ASS1: variants seen among roughly 807,000 people sequenced by gnomAD.
ASS1 encodes the protein argininosuccinate synthase.
A neutral mutation model predicts 60.5 loss-of-function variants in ASS1; 58 were observed. The ratio of observed to expected loss-of-function variants is 0.96; its 90% CI spans 0.78 to 1.19. The LOEUF (loss-of-function observed/expected upper bound fraction) is 1.19. Ranked by LOEUF, ASS1 falls within the 50% of genes most tolerant of loss-of-function variation. The probability of loss-of-function intolerance (pLI) is 0.00; values close to 1 mark genes in which losing one functional copy is unlikely to be tolerated. For synonymous variants in ASS1, 200 were observed against 206.9 expected (o/e 0.97, Z 0.29); for missense variants, 454 against 547.3 (o/e 0.83, Z 1.70).
At chr9:130,486,699 CG>C (rs901404210) in intron 11 of ASS1, among the ~76,000 whole-genome samples, 16 of 152,154 alleles carry the variant, frequency 1.1e-4, no homozygotes, top group Non-Finnish European at 1.8e-4. Flanking sequence ...ACCAATGAAG[CG>C]GGATGGGCTC....
intron 6 of ASS1, 76 bp downstream of exon 6, chr9:130,466,875 T>C: frequency 1.3e-6 from 2 of 1,524,556 alleles, no homozygotes; most frequent in Admixed American, 1.7e-5. Context: ...CTGGGGGCTG[T>C]CTGAGCCAGT....
intron 13 of ASS1, among the ~76,000 whole-genome samples, chr9:130,495,616 A>T (rs190799758): frequency 7.4e-4 from 113 of 151,864 alleles, no homozygotes; most frequent in Non-Finnish European, 1.4e-3. Flanking sequence ...GGCCAGGGGG[A>T]AGGAGCTGAA....
intron 1 of ASS1, chr9:130,451,592 C>G: frequency 2.9e-6 from 1 of 350,134 alleles, no homozygotes; most frequent in Non-Finnish European, 5.7e-6. Context: ...GCATCCTTCT[C>G]CACCTGCAGG....
At chr9:130,447,140 A>G (rs1287063268) in intron 1 of ASS1, among the ~76,000 whole-genome samples, 2 of 152,324 alleles carry the variant, frequency 1.3e-5, no homozygotes, top group Admixed American at 6.5e-5. Flanking sequence ...CAGGTTGGCC[A>G]TGACTCACTG....
In ASS1 at chr9:130,483,596, G is replaced by A. The variant is rs181864853; in HGVS notation, c.838+3147G>A. Among the ~76,000 whole-genome samples, 509 of 152,120 alleles carry A rather than the reference G, an allele frequency of 3.3e-3. 3 individuals are homozygous for A. Among genetic ancestry groups the A allele is most frequent in the African/African-American group, 0.012 (484 of 41,496 alleles). On this transcript the variant is annotated intron_variant, in intron 11 of 14. Coordinates refer to ENST00000352480, the MANE Select transcript of ASS1 (RefSeq NM_054012.4). ...GGGCAAGGCAGGCCGGAGGGAAGCC[G>A]AGGGAGGCCGGGAAGGAGCCAGCGC...
chr9:130,478,846 C>G lies in ASS1; in HGVS notation c.689-870C>G, dbSNP rs368851040. Among the ~76,000 whole-genome samples, 13 of 152,292 alleles carry G rather than the reference C, an allele frequency of 8.5e-5. No individual in the cohort carries two copies. In the South Asian group the frequency reaches 2.1e-3, roughly 24 times the overall value. Reference sequence around the variant, plus strand: ...GTTAAGAATGGCGAGGCTGACAGCGCCTTGAGTGAAGCCCCTCCAAGCGGC... The same window carrying G: ...GTTAAGAATGGCGAGGCTGACAGCGGCTTGAGTGAAGCCCCTCCAAGCGGC... On this transcript the variant is annotated intron_variant, in intron 9 of 14. Coordinates refer to ENST00000352480, the MANE Select transcript of ASS1 (RefSeq NM_054012.4). This position sits in a 1 kb window ranked among gnomAD's most constrained non-coding sequence, Gnocchi z 4.7.
intron 13 of ASS1, 96 bp downstream of exon 13, chr9:130,495,119 C>T (rs1438972361): frequency 1.4e-6 from 2 of 1,461,764 alleles, no homozygotes; most frequent in Non-Finnish European, 1.9e-6. Context: ...ACATGTCAGG[C>T]ACCATGCAGA....
At chr9:130,449,991 C>T (rs1242547002) in intron 1 of ASS1, among the ~76,000 whole-genome samples, 1 of 152,168 alleles carries the variant, frequency 6.6e-6, no homozygotes, top group Non-Finnish European at 1.5e-5. Context: ...TCAAGTAGAC[C>T]TCAATAGAGC....
At chr9:130,444,710 G>A (rs1845152625), upstream of ASS1, among the ~76,000 whole-genome samples, 1 of 151,878 alleles carries the variant, frequency 6.6e-6, no homozygotes, top group Non-Finnish European at 1.5e-5. This position sits in a 1 kb window ranked among gnomAD's most constrained non-coding sequence, Gnocchi z 4.7. Flanking sequence ...CGCCCCCGCC[G>A]GCGCGCCCCT....
chr9:130,497,215 A>C (rs1334185508), intron 13 of ASS1, among the ~76,000 whole-genome samples: 1 of 152,226 alleles, frequency 6.6e-6, no homozygotes, highest in Admixed American at 6.5e-5. Flanking sequence ...GAATAAAGTA[A>C]AAAGGGAAAG....
At chr9:130,454,154 T>G (rs941923436) in intron 2 of ASS1, 151 bp from the exon 3 acceptor site, 1 of 812,210 alleles carries the variant, frequency 1.2e-6, no homozygotes, top group African/African-American at 1.7e-5. Context: ...TCTCCAGGCC[T>G]TGGGCTTTGT....
chr9:130,445,037 G>A, intron 1 of ASS1, 42 bp downstream of exon 1: 1 of 564,292 alleles, frequency 1.8e-6, no homozygotes, highest in Non-Finnish European at 2.2e-6. Context: ...CTCCCTAGCC[G>A]AGAGCACCCG....
intron 8 of ASS1, among the ~76,000 whole-genome samples, chr9:130,473,640 C>G (rs1046558594): frequency 6.6e-6 from 1 of 152,178 alleles, no homozygotes; most frequent in East Asian, 1.9e-4. Flanking sequence ...CCCTGTCCCC[C>G]TCGGGATGAG....
chr9:130,491,933 C>T lies in ASS1; in HGVS notation c.970+2469C>T, dbSNP rs912544312. Among the ~76,000 whole-genome samples, 1 of 152,142 alleles carries T rather than the reference C, an allele frequency of 6.6e-6. No individual in the cohort carries two copies. Among genetic ancestry groups the T allele is most frequent in the East Asian group, 1.9e-4 (1 of 5,188 alleles). ...CACAGCTCAGAGGGCCTGTTTGATG[C>T]GATTTTCCCCATGAGGGATACAGAC... On this transcript the variant is annotated intron_variant, in intron 12 of 14. Transcript: ENST00000352480. This position sits in a 1 kb window ranked among gnomAD's most constrained non-coding sequence, Gnocchi z 5.3.
intron 8 of ASS1, among the ~76,000 whole-genome samples, chr9:130,473,623 C>G (rs965673435): frequency 2.6e-5 from 4 of 152,304 alleles, no homozygotes; most frequent in African/African-American, 4.8e-5. Flanking sequence ...ATCCCTGGAC[C>G]TGGCAGCCCT....
intron 11 of ASS1, among the ~76,000 whole-genome samples, chr9:130,485,960 T>C (rs1222721617): frequency 6.6e-6 from 1 of 152,210 alleles, no homozygotes; most frequent in Admixed American, 6.5e-5. Context: ...TTTTTGGCAC[T>C]GTCATGTTTG....
At chr9:130,446,601 C>G (rs1845202384) in intron 1 of ASS1, among the ~76,000 whole-genome samples, 1 of 152,190 alleles carries the variant, frequency 6.6e-6, no homozygotes, top group South Asian at 2.1e-4. Context: ...AGGGGAGGCC[C>G]CACTCTCAGC....
At chr9:130,481,378 G>A (rs748971075) in intron 11 of ASS1, among the ~76,000 whole-genome samples, 6 of 152,114 alleles carry the variant, frequency 3.9e-5, no homozygotes, top group East Asian at 1.9e-4. Context: ...AGGGCTTCCT[G>A]TTTCGGTAAA....
At chr9:130,452,681 T>A (rs1238313535) in intron 2 of ASS1, among the ~76,000 whole-genome samples, 1 of 152,174 alleles carries the variant, frequency 6.6e-6, no homozygotes, top group African/African-American at 2.4e-5. Context: ...GCACACAGTC[T>A]TCCCATCTCC....
Sources: gnomAD v4.1 joint callset for allele counts (sites outside exome capture counted in the v4.1 genomes callset) on GRCh38, gnomAD v4.1.1 for gene constraint, Gnocchi (gnomAD v3.1) non-coding constraint, MANE v1.5 for transcripts, NCBI Gene and HGNC (gene_info 2026-07-23, HGNC 2026-07-21) for gene names.